The following ZNF536 variants were observed in gnomAD, a reference collection of about 807,000 sequenced individuals.
The protein encoded by ZNF536 is zinc finger protein 536.
A neutral mutation model predicts 84.5 loss-of-function variants in ZNF536; 13 were observed. That is an observed-to-expected ratio of 0.15 (90% CI 0.10 to 0.24). The LOEUF (loss-of-function observed/expected upper bound fraction) is 0.24, where lower values mean the gene tolerates loss of function less well. Ranked by LOEUF, ZNF536 falls within the 10% of genes least tolerant of loss-of-function variation. The pLI is 1.00. For synonymous variants in ZNF536, 811 were observed against 742.5 expected, an observed-to-expected ratio of 1.09 and a Z score of -1.50; for missense variants, 1,536 against 1,747.5, an observed-to-expected ratio of 0.88 and a Z score of 2.16.
intron 1 of ZNF536, among the ~76,000 whole-genome samples, chr19:30,272,018 C>G (rs2025882392): frequency 1.3e-5 from 2 of 152,200 alleles, no homozygotes; most frequent in African/African-American, 4.8e-5. Flanking sequence ...AGTAGCCTCT[C>G]TGGGAATTTT....
Position 30,313,615 on chromosome 19 carries a change from G to A in ZNF536, c.-120+29474G>A, listed in dbSNP as rs557842764. Among the ~76,000 whole-genome samples the A allele has an allele frequency of 3.9e-4, 59 of 152,282 alleles. 1 individual carries two copies. The highest frequency in any genetic ancestry group is 1.3e-3 in the African/African-American group (56 of 41,554). On this transcript the variant is annotated intron_variant, in intron 2 of 5. Coordinates refer to the ZNF536 transcript ENST00000585628. ...AAGCCTCCCAGGGCCAGAGATCCCT[G>A]TCCAAGGTGGGGCTTGAAAGGACTG...
At chr19:30,342,207 A>T (rs761972687) in intron 2 of ZNF536, among the ~76,000 whole-genome samples, 1 of 152,236 alleles carries the variant, frequency 6.6e-6, no homozygotes, top group Non-Finnish European at 1.5e-5. Context: ...AGCCAGAAAA[A>T]TGTTTAGTTG....
intron 2 of ZNF536, among the ~76,000 whole-genome samples, chr19:30,481,278 G>A (rs950790057): frequency 6.6e-6 from 1 of 152,106 alleles, no homozygotes; most frequent in East Asian, 1.9e-4. Flanking sequence ...GTACATACAT[G>A]CGCATGAGTA....
intron 1 of ZNF536, among the ~76,000 whole-genome samples, chr19:30,593,191 C>T (rs149342814): frequency 2.6e-4 from 40 of 152,260 alleles, no homozygotes; most frequent in African/African-American, 7.7e-4. Flanking sequence ...TCTTCCATCT[C>T]GCAGCTCCTC....
intron 2 of ZNF536, among the ~76,000 whole-genome samples, chr19:30,320,385 G>A (rs73018844): frequency 1.3e-5 from 2 of 152,178 alleles, no homozygotes; most frequent in Admixed American, 6.5e-5. Flanking sequence ...TTTAATCAGG[G>A]TCTTTGGGCT....
At chr19:30,632,642 T>C (rs143647937) in intron 1 of ZNF536, among the ~76,000 whole-genome samples, 2 of 102,794 alleles carry the variant, frequency 1.9e-5, no homozygotes, top group South Asian at 4.1e-4. Flanking sequence ...AACCAACCAA[T>C]CAACCAACAA....
chr19:30,646,905 GCAGT>G (rs1483502839), intron 1 of ZNF536, among the ~76,000 whole-genome samples: 2 of 152,114 alleles, frequency 1.3e-5, no homozygotes, highest in Non-Finnish European at 2.9e-5. Context: ...GGAAATTCCA[GCAGT>G]CAGTCTCCTT....
intron 1 of ZNF536, among the ~76,000 whole-genome samples, chr19:30,675,832 A>G (rs1441614006): frequency 6.6e-6 from 1 of 152,150 alleles, no homozygotes; most frequent in African/African-American, 2.4e-5. Context: ...ATCAAGAGTG[A>G]GGTCTCATGG....
chr19:30,523,995 A>G (rs1274295651), intron 2 of ZNF536, among the ~76,000 whole-genome samples: 1 of 152,258 alleles, frequency 6.6e-6, no homozygotes, highest in African/African-American at 2.4e-5. Context: ...TCCATGGCAC[A>G]GAGGCATTGT....
intron 2 of ZNF536, among the ~76,000 whole-genome samples, chr19:30,470,470 GT>G (rs34028638): frequency 0.28 from 39,966 of 143,076 alleles, 6,040 homozygotes; most frequent in East Asian, 0.55. Flanking sequence ...ATTACATTTA[GT>G]TTTTTTTTTT....
chr19:30,326,463 G>A (rs1233538830), intron 2 of ZNF536, among the ~76,000 whole-genome samples: 1 of 152,212 alleles, frequency 6.6e-6, no homozygotes, highest in Non-Finnish European at 1.5e-5. Context: ...GTTCGTGGTA[G>A]GGAACAAGTG....
At chr19:30,458,653 T>C (rs1344030007) in intron 2 of ZNF536, among the ~76,000 whole-genome samples, 1 of 152,094 alleles carries the variant, frequency 6.6e-6, no homozygotes, top group East Asian at 1.9e-4. Flanking sequence ...GGTTTCTCCA[T>C]GTTGGTCACG....
chr19:30,391,903 A>G (rs1460165840), intron 1 of ZNF536, among the ~76,000 whole-genome samples: 2 of 152,182 alleles, frequency 1.3e-5, no homozygotes, highest in African/African-American at 4.8e-5. Flanking sequence ...GCCCCAGGAC[A>G]AATCAGTACT....
At chr19:30,405,818 C>A (rs1040583238) in intron 1 of ZNF536, among the ~76,000 whole-genome samples, 30 of 151,076 alleles carry the variant, frequency 2.0e-4, no homozygotes, top group African/African-American at 7.3e-4. Flanking sequence ...CACTCTGTAT[C>A]CCAGGTTGGA....
chr19:30,499,800 C>T (rs983892326), intron 2 of ZNF536, among the ~76,000 whole-genome samples: 2 of 152,186 alleles, frequency 1.3e-5, no homozygotes, highest in African/African-American at 4.8e-5. Context: ...TCATATTCCT[C>T]TTAGCCTTGG....
At position 30,563,627 on chromosome 19, in the gene ZNF536, G is replaced by C. The variant is rs182948852; in HGVS notation, c.169+14113G>C. 2.1e-3 allele frequency among the ~76,000 whole-genome samples: 313 copies of C among 152,316 alleles called. 1 individual carries two copies. Among genetic ancestry groups the C allele is most frequent in the African/African-American group, 6.9e-3 (288 of 41,568 alleles). Reference sequence around the variant, plus strand: ...TGAATGATCACCTCTAATTTGCACAGGTTAAACACCTGGATGTCATGTTGG... The same window carrying C: ...TGAATGATCACCTCTAATTTGCACACGTTAAACACCTGGATGTCATGTTGG... On this transcript the variant is annotated intron_variant, in intron 1 of 1. Coordinates refer to the ZNF536 transcript ENST00000592773.
chr19:30,689,438 G>A (rs947059427), intron 1 of ZNF536, among the ~76,000 whole-genome samples: 2 of 152,182 alleles, frequency 1.3e-5, no homozygotes, highest in Non-Finnish European at 2.9e-5. Context: ...TTTTCTTTCA[G>A]GAAATGCTCA....
At chr19:30,493,232 C>A (rs913834037) in intron 2 of ZNF536, among the ~76,000 whole-genome samples, 1 of 150,764 alleles carries the variant, frequency 6.6e-6, no homozygotes, top group African/African-American at 2.4e-5. Context: ...GTAATGAAAC[C>A]TTCCTCCCCT....
intron 2 of ZNF536, among the ~76,000 whole-genome samples, chr19:30,463,946 C>G (rs1391146639): frequency 1.3e-5 from 2 of 152,184 alleles, no homozygotes; most frequent in Non-Finnish European, 2.9e-5. Context: ...CCATGTCCAA[C>G]TTCTCCCTGG....
Sources: gnomAD v4.1 joint callset for allele counts (sites outside exome capture counted in the v4.1 genomes callset) on GRCh38, gnomAD v4.1.1 for gene constraint, MANE v1.5 for transcripts, NCBI Gene and HGNC (gene_info 2026-07-23, HGNC 2026-07-21) for gene names.